SLC35F4: variants seen among roughly 807,000 people sequenced by gnomAD.
SLC35F4 encodes chromosome 14 open reading frame 36.
In SLC35F4, 24 loss-of-function variants were observed where a neutral mutation model predicts 44.2. The ratio of observed to expected loss-of-function variants is 0.54; its 90% CI spans 0.39 to 0.76. The LOEUF (loss-of-function observed/expected upper bound fraction) is 0.76. SLC35F4 is among the 30% of genes least tolerant of loss of function. The pLI, the probability that SLC35F4 is intolerant of heterozygous loss-of-function variation, is 0.00. For synonymous variants in SLC35F4, 238 were observed against 223.6 expected (o/e 1.06, Z -0.57); for missense variants, 562 against 586.1 (o/e 0.96, Z 0.42).
intron 1 of SLC35F4, among the ~76,000 whole-genome samples, chr14:57,757,528 T>G (rs1422144772): frequency 3.3e-5 from 5 of 149,398 alleles, no homozygotes; most frequent in Non-Finnish European, 4.5e-5. Flanking sequence ...CTATAATTCT[T>G]TGTTGTTTTA....
chr14:57,680,472 G>T (rs1356115332), intron 1 of SLC35F4, among the ~76,000 whole-genome samples: 2 of 152,036 alleles, frequency 1.3e-5, no homozygotes, highest in East Asian at 1.9e-4. Flanking sequence ...ACAACACAAG[G>T]ATGCCCTCTC....
chr14:57,580,567 A>C (rs1566639004), intron 4 of SLC35F4: 1 of 360,842 alleles, frequency 2.8e-6, no homozygotes, highest in Non-Finnish European at 5.3e-6. Context: ...CAAGCATATA[A>C]ATATATATGT....
chr14:57,741,626 G>A (rs975635052), intron 1 of SLC35F4, among the ~76,000 whole-genome samples: 1 of 152,220 alleles, frequency 6.6e-6, no homozygotes, highest in Non-Finnish European at 1.5e-5. Context: ...GTACCTGAAA[G>A]TGACTGGGAG....
chr14:57,654,239 A>C (rs1340920204), intron 1 of SLC35F4, among the ~76,000 whole-genome samples: 3 of 152,082 alleles, frequency 2.0e-5, no homozygotes, highest in Non-Finnish European at 4.4e-5. Flanking sequence ...TGCACCCATC[A>C]CCCAAGCAGT....
intron 1 of SLC35F4, among the ~76,000 whole-genome samples, chr14:57,802,507 G>GA (rs74449819): frequency 2.0e-4 from 30 of 147,586 alleles, no homozygotes; most frequent in Middle Eastern, 3.5e-3. Flanking sequence ...AAACCCCTTT[G>GA]AAAAAAAAAA....
chr14:57,569,852 C>T lies in SLC35F4; in HGVS notation c.1062G>A (p.Glu354=), dbSNP rs2068399790. The T allele has an allele frequency of 6.2e-7, 1 of 1,611,550 alleles. No homozygotes were observed. The highest frequency in any genetic ancestry group is 8.5e-7 in the Non-Finnish European group (1 of 1,179,000). ...TPVILYFTKV[E]HWSSFAALPW... The stretch of plus-strand genomic sequence containing the variant: ...GCAGAGCAGCAAAAGAGGACCAGTG[C>T]TCCACCTTGGTGAAATACAAGATGA... Residue 354 remains glutamate (E), a synonymous_variant, in exon 6 of 8, where the codon GAG becomes GAA. Coordinates refer to ENST00000556826, the MANE Select transcript of SLC35F4 (RefSeq NM_001306087.2).
intron 1 of SLC35F4, among the ~76,000 whole-genome samples, chr14:57,667,196 G>A (rs75867671): frequency 1.3e-5 from 2 of 148,708 alleles, no homozygotes; most frequent in Admixed American, 1.3e-4. Context: ...AAGCATGGGG[G>A]AGGGAGGGAA....
At chr14:57,842,463 C>T (rs1335639275) in intron 1 of SLC35F4, among the ~76,000 whole-genome samples, 2 of 152,128 alleles carry the variant, frequency 1.3e-5, no homozygotes, top group Admixed American at 6.6e-5. Flanking sequence ...TGATGGGACG[C>T]CTTGCTCTTT....
intron 1 of SLC35F4, among the ~76,000 whole-genome samples, chr14:57,786,355 G>A (rs1436145173): frequency 6.6e-6 from 1 of 152,124 alleles, no homozygotes; most frequent in Non-Finnish European, 1.5e-5. Flanking sequence ...AAGACAAAGG[G>A]CATATAATCT....
chr14:57,743,899 T>A (rs2076688610), intron 1 of SLC35F4, among the ~76,000 whole-genome samples: 1 of 152,186 alleles, frequency 6.6e-6, no homozygotes, highest in Non-Finnish European at 1.5e-5. Flanking sequence ...GCTTCATCCC[T>A]GGGATGCAAG....
At chr14:57,954,823 T>G (rs1217973150) in intron 1 of SLC35F4, among the ~76,000 whole-genome samples, 7 of 151,608 alleles carry the variant, frequency 4.6e-5, no homozygotes, top group Non-Finnish European at 1.0e-4. Context: ...ACCAGACAGA[T>G]TCACAGCCGA....
chr14:57,944,695 A>AAAAG (rs141697627), intron 1 of SLC35F4, among the ~76,000 whole-genome samples: 13,346 of 115,644 alleles, frequency 0.12, 730 homozygotes, highest in East Asian at 0.15. Flanking sequence ...AGAAAGAAAG[A>AAAAG]AAAGAAAGAA....
intron 1 of SLC35F4, among the ~76,000 whole-genome samples, chr14:57,933,756 T>C (rs1392784995): frequency 6.6e-6 from 1 of 152,192 alleles, no homozygotes; most frequent in Non-Finnish European, 1.5e-5. Context: ...ATTTGAGGCA[T>C]AAATAATCAA....
intron 1 of SLC35F4, among the ~76,000 whole-genome samples, chr14:57,663,599 G>A (rs969931778): frequency 3.9e-5 from 6 of 152,096 alleles, no homozygotes; most frequent in Non-Finnish European, 7.4e-5. Flanking sequence ...CTGATACCTC[G>A]ACACAATTGC....
At chr14:57,699,469 A>C (rs1234939431) in intron 1 of SLC35F4, among the ~76,000 whole-genome samples, 3 of 152,218 alleles carry the variant, frequency 2.0e-5, no homozygotes, top group African/African-American at 7.2e-5. Context: ...CCTTACGTGC[A>C]AGAATTTCTT....
At chr14:57,633,871 C>T (rs546571823) in intron 1 of SLC35F4, among the ~76,000 whole-genome samples, 7 of 152,070 alleles carry the variant, frequency 4.6e-5, no homozygotes, top group African/African-American at 9.6e-5. Flanking sequence ...CTTTTTATTG[C>T]GGAGTGGTAT....
intron 1 of SLC35F4, among the ~76,000 whole-genome samples, chr14:57,934,468 A>G (rs2141068121): frequency 6.6e-6 from 1 of 151,940 alleles, no homozygotes; most frequent in Non-Finnish European, 1.5e-5. Flanking sequence ...GTCAGCCCAT[A>G]GTCAGTAAAA....
chr14:57,586,717 C>CAAAAACAAA, intron 3 of SLC35F4, among the ~76,000 whole-genome samples: 1 of 12,492 alleles, frequency 8.0e-5, no homozygotes, highest in Non-Finnish European at 3.1e-4. Flanking sequence ...GACTCTGTCT[C>CAAAAACAAA]AAAAAAAAAA....
intron 1 of SLC35F4, among the ~76,000 whole-genome samples, chr14:57,678,284 A>C (rs2074768285): frequency 6.6e-6 from 1 of 151,938 alleles, no homozygotes; most frequent in Non-Finnish European, 1.5e-5. Flanking sequence ...AAGCTTCATA[A>C]GTGGAGAAAT....
Sources: allele counts gnomAD v4.1 joint callset (sites outside exome capture counted in the v4.1 genomes callset), GRCh38; gene constraint gnomAD v4.1.1; transcripts MANE v1.5; gene names NCBI Gene and HGNC (gene_info 2026-07-23, HGNC 2026-07-21).